The following LMTK2 variants were observed in gnomAD, a reference collection of about 807,000 sequenced individuals.
LMTK2 encodes the protein serine/threonine-protein kinase LMTK2.
In LMTK2, 37 loss-of-function variants were observed where a neutral mutation model predicts 127.5. That is an observed-to-expected ratio of 0.29 (90% confidence interval 0.22 to 0.38). LMTK2 has a LOEUF of 0.38. Among genes scored for constraint, LMTK2 ranks in the 10% least tolerant of loss-of-function variants. LMTK2 has a pLI of 1.00. For synonymous variants in LMTK2, 819 were observed against 810.1 expected, an observed-to-expected ratio of 1.01 and a Z score of -0.19; for missense variants, 1,694 against 1,920.3, an observed-to-expected ratio of 0.88 and a Z score of 2.20.
intron 2 of LMTK2, among the ~76,000 whole-genome samples, chr7:98,139,984 T>C (rs189570822): frequency 3.2e-4 from 48 of 152,156 alleles, no homozygotes; most frequent in Non-Finnish European, 5.1e-4. Flanking sequence ...CTATGGTAAA[T>C]TAACATGGAT....
chr7:98,124,921 C>T (rs1796421523), intron 1 of LMTK2, among the ~76,000 whole-genome samples: 1 of 152,158 alleles, frequency 6.6e-6, no homozygotes, highest in Non-Finnish European at 1.5e-5. Flanking sequence ...TTTTTATAAC[C>T]CTCCTGGTAT....
intron 1 of LMTK2, among the ~76,000 whole-genome samples, chr7:98,119,057 A>T (rs1008576157): frequency 3.5e-4 from 50 of 143,528 alleles, no homozygotes; most frequent in African/African-American, 1.2e-3. Flanking sequence ...GTGCCACTGC[A>T]CTCCCGCCTG....
At chr7:98,182,460 T>C (rs1797368782) in intron 7 of LMTK2, among the ~76,000 whole-genome samples, 1 of 152,190 alleles carries the variant, frequency 6.6e-6, no homozygotes, top group Non-Finnish European at 1.5e-5. Context: ...AATATACAAA[T>C]GGCAATAGGT....
intron 1 of LMTK2, among the ~76,000 whole-genome samples, chr7:98,121,516 C>T (rs1796360651): frequency 6.6e-6 from 1 of 151,110 alleles, no homozygotes. Context: ...ACCTTTAGTC[C>T]CAGCAACTCG....
chr7:98,184,141 G>A (rs1279748521), intron 7 of LMTK2, among the ~76,000 whole-genome samples: 1 of 152,104 alleles, frequency 6.6e-6, no homozygotes, highest in East Asian at 1.9e-4. Flanking sequence ...CTTGACTTGG[G>A]GTTTTGTACA....
At position 98,206,088 on chromosome 7, in the gene LMTK2, T is replaced by C. The variant is rs1208310182; in HGVS notation, c.*596T>C. ...CACTAGTTTGATTTTTTTTCTGTTT[T>C]ATAGTTTGCGCTGCATGGTACTTGT... On this transcript the variant is annotated 3_prime_UTR_variant, in exon 14 of 14. Coordinates refer to ENST00000297293, the MANE Select transcript of LMTK2 (RefSeq NM_014916.4). 6.5e-6 allele frequency: 1 copy of C among 153,932 alleles called. No individual in the cohort carries two copies. Among genetic ancestry groups the C allele is most frequent in the African/African-American group, 2.4e-5 (1 of 41,488 alleles). 9.5% of individuals were successfully genotyped at this position (153,932 alleles called of 1,614,324 possible).
chr7:98,140,112 TTCTTTCTTTC>T (rs1236109372), intron 2 of LMTK2, among the ~76,000 whole-genome samples: 1 of 4,210 alleles, frequency 2.4e-4, no homozygotes, highest in Non-Finnish European at 4.3e-4. Flanking sequence ...CTTTCTTTCT[TTCTTTCTTTC>T]TTTCTTTCTT....
At position 98,171,231 on chromosome 7, in the gene LMTK2, A is replaced by G. The variant is rs141483134; in HGVS notation, c.658-310A>G. On this transcript the variant is annotated intron_variant, in intron 6 of 13. Transcript: ENST00000297293. This position sits in a 1 kb window ranked among gnomAD's most constrained non-coding sequence, Gnocchi z 5.1. ...TCTTACACTCTCCGTGTCATCTCCT[A>G]GGTAACCTGGGAGTTTCTCTAATTC... Among the ~76,000 whole-genome samples the G allele has an allele frequency of 5.9e-5, 9 of 152,170 alleles. No homozygotes were observed. In the East Asian group the frequency reaches 1.5e-3, roughly 26 times the overall value.
intron 6 of LMTK2, among the ~76,000 whole-genome samples, chr7:98,167,302 T>C (rs1797115276): frequency 6.6e-6 from 1 of 152,252 alleles, no homozygotes; most frequent in Non-Finnish European, 1.5e-5. Context: ...GACGGAGTCC[T>C]AGCCATGTCT....
chr7:98,112,399 CAG>C (rs1194061894), intron 1 of LMTK2, among the ~76,000 whole-genome samples: 1 of 152,180 alleles, frequency 6.6e-6, no homozygotes, highest in East Asian at 1.9e-4. Context: ...AGAATAGTTA[CAG>C]TCTTGTGAAG....
At chr7:98,121,866 G>A (rs1796366426) in intron 1 of LMTK2, among the ~76,000 whole-genome samples, 1 of 151,794 alleles carries the variant, frequency 6.6e-6, no homozygotes, top group Non-Finnish European at 1.5e-5. Flanking sequence ...TTAGCTGGGT[G>A]TGGTGGTGTG....
chr7:98,115,236 G>A (rs1796261138), intron 1 of LMTK2, among the ~76,000 whole-genome samples: 1 of 151,920 alleles, frequency 6.6e-6, no homozygotes, highest in Admixed American at 6.6e-5. Flanking sequence ...ACAACACGGA[G>A]AAACCCCGTC....
At chr7:98,167,260 G>A (rs1276204751) in intron 6 of LMTK2, among the ~76,000 whole-genome samples, 1 of 152,188 alleles carries the variant, frequency 6.6e-6, no homozygotes. Flanking sequence ...GCCCAGCACT[G>A]TTCTAGGTTT....
chr7:98,121,794 A>G (rs1006609526), intron 1 of LMTK2, among the ~76,000 whole-genome samples: 13 of 152,146 alleles, frequency 8.5e-5, no homozygotes, highest in Non-Finnish European at 1.3e-4. Flanking sequence ...TGAGGCCAGG[A>G]GTTCGAGACC....
chr7:98,165,269 C>A (rs1562911111), intron 6 of LMTK2, among the ~76,000 whole-genome samples: 1 of 152,134 alleles, frequency 6.6e-6, no homozygotes, highest in Non-Finnish European at 1.5e-5. Flanking sequence ...ATGTTCCCAT[C>A]GAGTGAGTTG....
At chr7:98,115,440 GAGA>G (rs996374875) in intron 1 of LMTK2, among the ~76,000 whole-genome samples, 2 of 151,484 alleles carry the variant, frequency 1.3e-5, no homozygotes, top group Non-Finnish European at 2.9e-5. Context: ...AAGAAAGAAA[GAGA>G]AGAAAAAAAG....
chr7:98,193,169 G>C lies in LMTK2; in HGVS notation c.2704G>C (p.Val902Leu), dbSNP rs1386972583. 6.2e-7 allele frequency: 1 copy of C among 1,613,728 alleles called. No individual in the cohort carries two copies. ...CCTGCGACTCACCGAAAGTGACTCT[G>C]TTCTTGCTGATGACATCCTTGCCAG... ...ETLRLTESDS[V>L]LADDILASRV... Residue 902 changes from valine to leucine, a missense_variant, in exon 11 of 14, where the codon GTT becomes CTT. Physicochemically the swap from Val to Leu is conservative, Grantham distance 32. Coordinates refer to ENST00000297293, the MANE Select transcript of LMTK2 (RefSeq NM_014916.4). The surrounding 1 kb of genome is among the most constrained non-coding windows in gnomAD (Gnocchi z 4.1).
rs529867832 is a variant in LMTK2 at position 98,204,170 on chromosome 7, G to C, written c.4467G>C (p.Ser1489=). 18 of 1,607,360 alleles carry C rather than the reference G, an allele frequency of 1.1e-5. No individual in the cohort carries two copies. In the Admixed American group the frequency reaches 2.0e-4, roughly 18 times the overall value. Residue 1489 remains serine, a synonymous_variant, in exon 13 of 14, where the codon TCG becomes TCC. Transcript: ENST00000297293. The stretch of plus-strand genomic sequence containing the variant: ...TTTCCCTCACACACCTGACCGACTC[G>C]GACATCGAGCAGGGCGGTGAGAGGC... ...ASFSLTHLTD[S]DIEQGGSSED...
intron 9 of LMTK2, among the ~76,000 whole-genome samples, chr7:98,190,193 G>A (rs1190240225): frequency 6.6e-6 from 1 of 152,106 alleles, no homozygotes; most frequent in Non-Finnish European, 1.5e-5. Flanking sequence ...CTTCTAGGGT[G>A]GTATTCAGTA....
Sources: gnomAD v4.1 joint callset for allele counts (sites outside exome capture counted in the v4.1 genomes callset) on GRCh38, gnomAD v4.1.1 for gene constraint, Gnocchi (gnomAD v3.1) non-coding constraint, MANE v1.5 for transcripts, NCBI Gene and HGNC (gene_info 2026-07-23, HGNC 2026-07-21) for gene names.